The following NT5DC3 variants were observed in gnomAD, a reference collection of about 807,000 sequenced individuals.
NT5DC3 encodes 5'-nucleotidase domain-containing protein 3.
In NT5DC3, 42 loss-of-function variants were observed where a neutral mutation model predicts 67.8. The observed-to-expected ratio is 0.62, with a 90% CI of 0.48 to 0.80. The LOEUF is 0.80. Ranked by LOEUF, NT5DC3 falls within the 30% of genes least tolerant of loss-of-function variation. The pLI is 0.00. For missense variants in NT5DC3, 570 were observed against 696.4 expected, an observed-to-expected ratio of 0.82 and a Z score of 2.04; for synonymous variants, 237 against 255.6, an observed-to-expected ratio of 0.93 and a Z score of 0.69.
intron 1 of NT5DC3, among the ~76,000 whole-genome samples, chr12:103,827,229 A>T (rs1430121103): frequency 6.6e-6 from 1 of 152,216 alleles, no homozygotes; most frequent in Non-Finnish European, 1.5e-5. Context: ...TGGGAGTCAG[A>T]GTCAGAATTT....
rs1175094329 is a variant in NT5DC3 at position 103,841,091 on chromosome 12, A to G, written c.66T>C (p.Ala22=). Residue 22 remains alanine (A), a synonymous_variant, in exon 1 of 14, where the codon GCT becomes GCC. Transcript: ENST00000392876. ...GAGARAATAA[A]LRGGCGTAAR... ...CCGCGGTCCCGCAGCCACCCCGCAA[A>G]GCCGCCGCTGTCGCTGCCCTCGCCC... The G allele has an allele frequency of 3.3e-6, 4 of 1,218,344 alleles. No homozygotes were observed. Among genetic ancestry groups the G allele is most frequent in the Non-Finnish European group, 4.2e-6 (4 of 961,168 alleles). The allele number at this position is 1,218,344 out of a possible 1,614,324, so 75.5% of individuals were successfully genotyped here.
chr12:103,840,845 T>A, intron 1 of NT5DC3, 104 bp downstream of exon 1: 3 of 500,304 alleles, frequency 6.0e-6, no homozygotes, highest in Non-Finnish European at 6.2e-6. Flanking sequence ...CTGGAGGCCC[T>A]GGAGGTCCGC....
At chr12:103,750,373 C>T in the NT5DC3 span, among the ~76,000 whole-genome samples, 1 of 152,196 alleles carries the variant, frequency 6.6e-6, no homozygotes, top group Non-Finnish European at 1.5e-5. Context: ...GAGGAAGTCA[C>T]ATTTGAACTG....
the NT5DC3 span, among the ~76,000 whole-genome samples, chr12:103,747,945 A>C: frequency 6.8e-6 from 1 of 147,962 alleles, no homozygotes; most frequent in Non-Finnish European, 1.5e-5. Flanking sequence ...CAGTGAGCTG[A>C]GATCAGGCCA....
rs774438344 is a variant in NT5DC3 at position 103,793,494 on chromosome 12, G to A, written c.833C>T (p.Ala278Val). ...GGCCAACACTGCGCGGGTCTGCTCA[G>A]CATAGCAGATGTACTTTTCTAAGAG... The part of the protein sequence containing the change: ...EADIEKYICY[A>V]EQTRAVLAKL... Residue 278 changes from alanine to valine, a missense_variant, in exon 8 of 14, where the codon GCT becomes GTT. By Grantham distance (64) the Ala-to-Val change is moderately conservative. Coordinates refer to ENST00000392876, the MANE Select transcript of NT5DC3 (RefSeq NM_001031701.3). The A allele has an allele frequency of 6.2e-7, 1 of 1,613,524 alleles. No homozygotes were observed.
chr12:103,766,844 T>C (rs1884995788), downstream of NT5DC3: 1 of 155,516 alleles, frequency 6.4e-6, no homozygotes, highest in Admixed American at 6.2e-5. Context: ...CTTCTGAATT[T>C]GGTTGTGTTT....
chr12:103,817,935 T>C (rs1449026061), intron 1 of NT5DC3, among the ~76,000 whole-genome samples: 2 of 152,212 alleles, frequency 1.3e-5, no homozygotes, highest in Non-Finnish European at 2.9e-5. Context: ...GCATTCCTCT[T>C]GCATAGTAAC....
intron 4 of NT5DC3, among the ~76,000 whole-genome samples, chr12:103,801,372 C>CCTTTTTTT (rs1886567309): frequency 8.9e-5 from 7 of 78,940 alleles, no homozygotes; most frequent in African/African-American, 3.8e-4. Flanking sequence ...TTGGGGTGGG[C>CCTTTTTTT]TTTTTTTTTT....
the NT5DC3 span, among the ~76,000 whole-genome samples, chr12:103,754,704 C>T: frequency 6.6e-6 from 1 of 152,108 alleles, no homozygotes; most frequent in Non-Finnish European, 1.5e-5. Context: ...AATCCCAGCA[C>T]TTTGGGAGCC....
chr12:103,747,763 G>A, the NT5DC3 span, among the ~76,000 whole-genome samples: 1 of 152,108 alleles, frequency 6.6e-6, no homozygotes, highest in Non-Finnish European at 1.5e-5. Context: ...GGGAGGCCGG[G>A]GTGGGCAGAT....
the NT5DC3 span, chr12:103,755,266 T>C: frequency 6.2e-7 from 1 of 1,605,254 alleles, no homozygotes; most frequent in Non-Finnish European, 8.5e-7. Context: ...CACATGAACT[T>C]GCAGCTGACC....
chr12:103,824,861 T>G (rs1338796106), intron 1 of NT5DC3, among the ~76,000 whole-genome samples: 1 of 149,144 alleles, frequency 6.7e-6, no homozygotes, highest in East Asian at 2.1e-4. Context: ...AGTGAGATCA[T>G]ACAACCTGTA....
At chr12:103,811,787 C>T (rs944861400) in intron 2 of NT5DC3, among the ~76,000 whole-genome samples, 1 of 152,142 alleles carries the variant, frequency 6.6e-6, no homozygotes, top group African/African-American at 2.4e-5. Flanking sequence ...GGAAACTGGG[C>T]ATTGGGTGTA....
intron 2 of NT5DC3, among the ~76,000 whole-genome samples, chr12:103,808,483 G>A (rs1244556529): frequency 1.3e-5 from 2 of 152,190 alleles, no homozygotes; most frequent in Non-Finnish European, 2.9e-5. Context: ...TCATAGCCAG[G>A]GTTCCATTTG....
At chr12:103,756,876 C>G in the NT5DC3 span, among the ~76,000 whole-genome samples, 1 of 151,860 alleles carries the variant, frequency 6.6e-6, no homozygotes, top group African/African-American at 2.4e-5. Context: ...CCACACTAAT[C>G]TTTCTGCTGT....
chr12:103,753,950 G>A, the NT5DC3 span, among the ~76,000 whole-genome samples: 5 of 152,166 alleles, frequency 3.3e-5, no homozygotes, highest in South Asian at 2.1e-4. Flanking sequence ...GGAAGGAAAC[G>A]GAGCTCTTTG....
At chr12:103,811,223 C>T (rs1254297688) in intron 2 of NT5DC3, among the ~76,000 whole-genome samples, 3 of 149,704 alleles carry the variant, frequency 2.0e-5, no homozygotes, top group South Asian at 2.1e-4. Flanking sequence ...CAGAATATAA[C>T]GCCTTGGAGT....
intron 2 of NT5DC3, among the ~76,000 whole-genome samples, chr12:103,813,231 A>G (rs1266961891): frequency 5.9e-5 from 9 of 152,222 alleles, no homozygotes; most frequent in African/African-American, 2.2e-4. Flanking sequence ...AACAGATGGC[A>G]TGGGGTGGCA....
At chr12:103,834,519 A>G (rs556325538) in intron 1 of NT5DC3, among the ~76,000 whole-genome samples, 1 of 152,298 alleles carries the variant, frequency 6.6e-6, no homozygotes, top group African/African-American at 2.4e-5. Flanking sequence ...GAAGAAAAAA[A>G]GGAGGGTAGG....
Sources: allele counts gnomAD v4.1 joint callset (sites outside exome capture counted in the v4.1 genomes callset), GRCh38; gene constraint gnomAD v4.1.1; transcripts MANE v1.5; gene names NCBI Gene and HGNC (gene_info 2026-07-23, HGNC 2026-07-21).